The following WWP2 variants were observed in gnomAD, a reference collection of about 807,000 sequenced individuals.
WWP2 encodes the protein WW domain containing E3 ubiquitin protein ligase 2.
A neutral mutation model predicts 121.0 loss-of-function variants in WWP2; 57 were observed. The ratio of observed to expected loss-of-function variants is 0.47; its 90% CI spans 0.38 to 0.59. The LOEUF (loss-of-function observed/expected upper bound fraction) is 0.59, where lower values mean the gene tolerates loss of function less well. Ranked by LOEUF, WWP2 falls within the 20% of genes least tolerant of loss-of-function variation. WWP2 has a pLI of 0.00. For missense variants in WWP2, 962 were observed against 1,158.9 expected (o/e 0.83, Z 2.47); for synonymous variants, 449 against 441.3 (o/e 1.02, Z -0.22).
chr16:69,880,440 G>T (rs1271799857), intron 7 of WWP2, among the ~76,000 whole-genome samples: 1 of 151,786 alleles, frequency 6.6e-6, no homozygotes, highest in South Asian at 2.1e-4. Context: ...TTCTTTGATC[G>T]TTCATACATT....
At chr16:69,882,881 G>T (rs769785380) in intron 7 of WWP2, among the ~76,000 whole-genome samples, 1 of 152,080 alleles carries the variant, frequency 6.6e-6, no homozygotes, top group Non-Finnish European at 1.5e-5. Context: ...GACCGGGTGC[G>T]GTGGCTCATG....
chr16:69,892,990 G>A (rs1430135504), intron 8 of WWP2, among the ~76,000 whole-genome samples: 1 of 152,186 alleles, frequency 6.6e-6, no homozygotes, highest in Non-Finnish European at 1.5e-5. Context: ...CAAGCCTTCG[G>A]TGGGATCCAC....
chr16:69,811,035 A>C (rs1329593272), intron 4 of WWP2, among the ~76,000 whole-genome samples: 1 of 152,126 alleles, frequency 6.6e-6, no homozygotes, highest in Non-Finnish European at 1.5e-5. Flanking sequence ...GATTATAGGT[A>C]TGAGCCACCA....
chr16:69,766,826 T>G (rs2038740877), intron 1 of WWP2, among the ~76,000 whole-genome samples: 1 of 152,198 alleles, frequency 6.6e-6, no homozygotes, highest in Non-Finnish European at 1.5e-5. Flanking sequence ...CGATCTTGGC[T>G]CACTGCAACC....
intron 6 of WWP2, among the ~76,000 whole-genome samples, chr16:69,842,424 A>G (rs185971947): frequency 3.2e-3 from 494 of 152,214 alleles, no homozygotes; most frequent in African/African-American, 5.3e-3. Context: ...TAATGATCCT[A>G]TTGCCCAGAT....
rs367756515 is a variant in WWP2, at chr16:69,920,821, A to AT, written c.1179+2947dup. 6.7e-4 allele frequency among the ~76,000 whole-genome samples: 102 copies of AT among 151,520 alleles called. 2 individuals are homozygous for AT. Among genetic ancestry groups the AT allele is most frequent in the African/African-American group, 2.0e-3 (84 of 41,292 alleles). On this transcript the variant is annotated intron_variant, in intron 10 of 23. Coordinates refer to ENST00000359154, the MANE Select transcript of WWP2 (RefSeq NM_001270454.2). ...AAATAAAATAAAATGCATTAAAGCA[A>AT]TTTTTTTTTCCCTTAAAAGCCCCAC...
intron 2 of WWP2, among the ~76,000 whole-genome samples, chr16:69,792,982 G>A (rs560511995): frequency 6.6e-6 from 1 of 152,248 alleles, no homozygotes; most frequent in South Asian, 2.1e-4. Flanking sequence ...GAGCCACTGT[G>A]CCTGGCCTTT....
chr16:69,909,147 T>C (rs1182636379), intron 9 of WWP2: 2 of 1,075,854 alleles, frequency 1.9e-6, no homozygotes, highest in Non-Finnish European at 2.3e-6. Context: ...GTGCTTCTTA[T>C]TCGGCAGGGC....
chr16:69,835,220 A>C (rs1318813707), intron 4 of WWP2, among the ~76,000 whole-genome samples: 3 of 152,188 alleles, frequency 2.0e-5, no homozygotes, highest in Admixed American at 1.3e-4. Context: ...GCTGTAGTGA[A>C]AACAGAGGGC....
At chr16:69,796,457 T>C (rs139933742) in intron 2 of WWP2, among the ~76,000 whole-genome samples, 83 of 152,236 alleles carry the variant, frequency 5.5e-4, no homozygotes, top group African/African-American at 1.9e-3. Context: ...CACGGCAGAG[T>C]ATCAATTGTT....
intron 6 of WWP2, among the ~76,000 whole-genome samples, chr16:69,865,068 T>C (rs2057496147): frequency 6.6e-6 from 1 of 151,864 alleles, no homozygotes; most frequent in Non-Finnish European, 1.5e-5. Context: ...ATCTTTTTTT[T>C]AGTCGGGGTT....
intron 6 of WWP2, among the ~76,000 whole-genome samples, chr16:69,864,566 G>A (rs1469653959): frequency 1.3e-5 from 2 of 151,688 alleles, no homozygotes; most frequent in Non-Finnish European, 2.9e-5. Flanking sequence ...TTTTTGTTGT[G>A]GGAGACAGAG....
intron 4 of WWP2, among the ~76,000 whole-genome samples, chr16:69,807,292 C>T (rs556636521): frequency 6.6e-6 from 1 of 152,252 alleles, no homozygotes; most frequent in South Asian, 2.1e-4. Flanking sequence ...GCCTCAGTCT[C>T]CCATACTGCC....
chr16:69,876,896 C>T (rs554787018), intron 7 of WWP2, among the ~76,000 whole-genome samples: 4 of 152,058 alleles, frequency 2.6e-5, no homozygotes, highest in Non-Finnish European at 4.4e-5. Flanking sequence ...TTCAGTAAAC[C>T]ATGCTGCAGA....
At chr16:69,818,191 T>A (rs1202523547) in intron 4 of WWP2, among the ~76,000 whole-genome samples, 2 of 151,580 alleles carry the variant, frequency 1.3e-5, no homozygotes, top group Admixed American at 6.6e-5. Context: ...GATTTTATTT[T>A]ATTTATTTAT....
chr16:69,787,017 T>A lies in WWP2; in HGVS notation c.7T>A (p.Ser3Thr). Residue 3 changes from serine to threonine, a missense_variant, in exon 2 of 24, where the codon TCT becomes ACT. Physicochemically the swap from Ser to Thr is moderately conservative, Grantham distance 58. Transcript: ENST00000359154. ...ACAGCTTCACGGTGATGATATGGCA[T>A]CTGCCAGCTCTAGCCGGGCAGGAGT... MASASSSRAGVAL... is the reference protein window; with the variant it reads MATASSSRAGVAL... The A allele has an allele frequency of 1.2e-6, 2 of 1,612,170 alleles. No individual in the cohort carries two copies. The highest frequency in any genetic ancestry group is 1.7e-6 in the Non-Finnish European group (2 of 1,179,324).
chr16:69,818,491 G>C (rs1415621869), intron 4 of WWP2, among the ~76,000 whole-genome samples: 1 of 152,170 alleles, frequency 6.6e-6, no homozygotes, highest in East Asian at 1.9e-4. Context: ...ACAGGTGTGA[G>C]CCACGGCGCC....
chr16:69,846,049 C>CTTAAAAAAAAAAAAAAA (rs2057070043), intron 6 of WWP2, among the ~76,000 whole-genome samples: 1 of 45,604 alleles, frequency 2.2e-5, no homozygotes, highest in Non-Finnish European at 3.6e-5. Context: ...GACTCCATCT[C>CTTAAAAAAAAAAAAAAA]AAAAAAAAAA....
chr16:69,880,345 C>T (rs1034344060), intron 7 of WWP2, among the ~76,000 whole-genome samples: 4 of 151,656 alleles, frequency 2.6e-5, no homozygotes, highest in African/African-American at 7.3e-5. Context: ...TTGAGTAAGT[C>T]CCATATGATT....
Sources: gnomAD v4.1 joint callset for allele counts (sites outside exome capture counted in the v4.1 genomes callset) on GRCh38, gnomAD v4.1.1 for gene constraint, MANE v1.5 for transcripts, NCBI Gene and HGNC (gene_info 2026-07-23, HGNC 2026-07-21) for gene names.